STK4: variants seen among roughly 807,000 people sequenced by gnomAD.
STK4 encodes serine/threonine-protein kinase 4.
Under a neutral mutation model 64.9 loss-of-function variants are expected in STK4, and 30 were observed. The observed-to-expected ratio is 0.46, with a 90% CI of 0.35 to 0.63. The LOEUF is 0.63. STK4 is among the 20% of genes least tolerant of loss of function. STK4 has a pLI of 0.01. For synonymous variants in STK4, 177 were observed against 199.0 expected, an observed-to-expected ratio of 0.89 and a Z score of 0.93; for missense variants, 466 against 598.5, an observed-to-expected ratio of 0.78 and a Z score of 2.31.
In STK4 at chr20:45,043,588, C is replaced by T. The variant is rs191365032; in HGVS notation, c.1305+18458C>T. ...AAATGGAGTAATGCACATCAGGGGC[C>T]TGCAATATAATACAGATTGAGTATC... On this transcript the variant is annotated intron_variant, in intron 10 of 10. Transcript: ENST00000372806. Among the ~76,000 whole-genome samples, 1,069 of 152,256 alleles carry T rather than the reference C, an allele frequency of 7.0e-3. 9 individuals are homozygous for T. The highest frequency in any genetic ancestry group is 0.014 in the Middle Eastern group (4 of 294).
At chr20:45,054,655 C>T (rs936351756) in intron 10 of STK4, among the ~76,000 whole-genome samples, 2 of 147,764 alleles carry the variant, frequency 1.4e-5, no homozygotes, top group African/African-American at 5.0e-5. Context: ...CAACCACTTG[C>T]GGGCTGTGTT....
intron 4 of STK4, among the ~76,000 whole-genome samples, chr20:44,983,474 G>A (rs555165369): frequency 6.0e-4 from 91 of 152,286 alleles, no homozygotes; most frequent in Middle Eastern, 3.4e-3. Flanking sequence ...GTCAAGTGTG[G>A]TGTCATGCGC....
chr20:45,060,208 C>A (rs1225918860), intron 10 of STK4, among the ~76,000 whole-genome samples: 1 of 152,070 alleles, frequency 6.6e-6, no homozygotes, highest in African/African-American at 2.4e-5. Flanking sequence ...AGAATTAGAT[C>A]CAGCAGAAGC....
chr20:44,967,092 C>T (rs767063870), intron 1 of STK4: 9 of 969,088 alleles, frequency 9.3e-6, no homozygotes, highest in Middle Eastern at 5.3e-4. Context: ...GCGCCTAAGG[C>T]TGAAAGCATG....
In STK4 at chr20:44,978,135, A is replaced by G. The variant is rs78527169; in HGVS notation, c.117-308A>G. ...TCATCTCATCTTCATTTTTTGTAGG[A>G]ATGAATTGAGATGGTGTACAGTCTC... On this transcript the variant is annotated intron_variant, in intron 2 of 10. Coordinates refer to ENST00000372806, the MANE Select transcript of STK4 (RefSeq NM_006282.5). Among the ~76,000 whole-genome samples, 21 of 152,306 alleles carry G rather than the reference A, an allele frequency of 1.4e-4. No individual in the cohort carries two copies. The East Asian group carries it at 4.0e-3, about 29-fold the overall frequency.
intron 10 of STK4, among the ~76,000 whole-genome samples, chr20:45,072,296 A>T (rs1600579389): frequency 6.6e-6 from 1 of 152,324 alleles, no homozygotes; most frequent in East Asian, 1.9e-4. Flanking sequence ...GGCTTGCCCA[A>T]AGTTGCAGAA....
At chr20:45,004,755 C>CTT (rs1285811006) in intron 9 of STK4, among the ~76,000 whole-genome samples, 2 of 143,110 alleles carry the variant, frequency 1.4e-5, no homozygotes, top group African/African-American at 2.6e-5. Context: ...TTTTTTTCTC[C>CTT]TTTTTTTTTT....
In STK4 at chr20:45,077,227, C is replaced by T. The variant is rs1980583806; in HGVS notation, c.*2051C>T. 1.3e-5 allele frequency: 2 copies of T among 152,094 alleles called. No individual in the cohort carries two copies. The highest frequency in any genetic ancestry group is 1.3e-4 in the Admixed American group (2 of 15,268). The allele number at this position is 152,094 out of a possible 1,614,324, so 9.4% of individuals were successfully genotyped here. Reference sequence around the variant, plus strand: ...CACAAGCCTGTTTAAAATGAAGTGACCACCTTTTCTTGCATAGACTAAATA... The same window carrying T: ...CACAAGCCTGTTTAAAATGAAGTGATCACCTTTTCTTGCATAGACTAAATA... On this transcript the variant is annotated 3_prime_UTR_variant, in exon 11 of 11. Transcript: ENST00000372806.
In STK4 at chr20:45,000,489, G is replaced by A. The variant is rs35447878; in HGVS notation, c.929G>A (p.Arg310Gln). ...VKLKRQESQQREVDQDDEENS... is the reference protein window; with the variant it reads ...VKLKRQESQQQEVDQDDEENS... ...CTGAAACGCCAGGAATCCCAGCAGC[G>A]GGAAGTGGACCAGGACGATGAAGAA... The change falls in exon 8 of 11, where the codon CGG (arginine) becomes CAG (glutamine). Residue 310 changes from arginine to glutamine, a missense_variant. Physicochemically the swap from Arg to Gln is conservative, Grantham distance 43. Coordinates refer to ENST00000372806, the MANE Select transcript of STK4 (RefSeq NM_006282.5). 167 of 1,613,958 alleles carry A rather than the reference G, an allele frequency of 1.0e-4. No homozygotes were observed. Among genetic ancestry groups the A allele is most frequent in the Middle Eastern group, 1.6e-4 (1 of 6,084 alleles).
intron 10 of STK4, among the ~76,000 whole-genome samples, chr20:45,030,393 C>T (rs748573082): frequency 2.6e-5 from 4 of 152,138 alleles, no homozygotes; most frequent in Non-Finnish European, 5.9e-5. Flanking sequence ...CGTGAGCCAC[C>T]GGGCCCAGCC....
At chr20:44,999,541 T>C (rs1027681016) in intron 7 of STK4, among the ~76,000 whole-genome samples, 2 of 152,202 alleles carry the variant, frequency 1.3e-5, no homozygotes, top group African/African-American at 4.8e-5. Flanking sequence ...CATATGTAAC[T>C]TTCACAGCAT....
chr20:45,026,889 A>C (rs1186178378), intron 10 of STK4, among the ~76,000 whole-genome samples: 1 of 152,180 alleles, frequency 6.6e-6, no homozygotes. Flanking sequence ...AACACAGCAC[A>C]CCAGGCTGCC....
chr20:45,031,015 T>TGA lies in STK4; in HGVS notation c.1305+5888_1305+5889dup, dbSNP rs760438707. 5.3e-5 allele frequency among the ~76,000 whole-genome samples: 8 copies of TGA among 152,046 alleles called. 1 individual carries two copies. The highest frequency in any genetic ancestry group is 1.9e-4 in the East Asian group (1 of 5,162). ...AGTTCGAGACCAGCCTGGCACATAG[T>TGA]GAGACCCCATCTCTATTACAAAAAT... is the stretch of plus-strand genomic sequence containing the variant. On this transcript the variant is annotated intron_variant, in intron 10 of 10. Transcript: ENST00000372806.
intron 5 of STK4, among the ~76,000 whole-genome samples, chr20:44,992,616 C>G (rs1387502195): frequency 6.6e-6 from 1 of 152,100 alleles, no homozygotes; most frequent in Non-Finnish European, 1.5e-5. Flanking sequence ...AAGTGATCCT[C>G]CCACCTTAGC....
In STK4 at chr20:45,001,195, T is replaced by A. The variant is rs1238230164; in HGVS notation, c.989T>A (p.Met330Lys). 2 of 1,613,274 alleles carry A rather than the reference T, an allele frequency of 1.2e-6. No homozygotes were observed. The highest frequency in any genetic ancestry group is 3.3e-5 in the Admixed American group (2 of 59,986). The change falls in exon 9 of 11, where the codon ATG becomes AAG. Residue 330 changes from methionine to lysine, a missense_variant. By Grantham distance (95) the Met-to-Lys change is moderately conservative. Transcript: ENST00000372806. ...SEEDEMDSGT[M>K]VRAVGDEMGT... ...GAGGATGAAATGGATTCTGGCACGA[T>A]GGTTCGAGCAGTGGGTGATGAGATG... is the stretch of plus-strand genomic sequence containing the variant.
Position 45,078,919 on chromosome 20 carries a change from T to G in STK4, c.*3743T>G, listed in dbSNP as rs748090881. The G allele has an allele frequency of 4.6e-5, 7 of 152,286 alleles. No homozygotes were observed. The highest frequency in any genetic ancestry group is 1.0e-4 in the Non-Finnish European group (7 of 68,044). The allele number at this position is 152,286 out of a possible 1,614,324, so 9.4% of individuals were successfully genotyped here. A position where few individuals can be genotyped will look rare whatever the true frequency, so the allele number is the denominator to read the frequency against. ...AAGCCAATAGAATATTATGAATAAT[T>G]TTATGCTAATAAATTTAACAACTTC... On this transcript the variant is annotated 3_prime_UTR_variant, in exon 11 of 11. Coordinates refer to ENST00000372806, the MANE Select transcript of STK4 (RefSeq NM_006282.5).
At chr20:45,061,596 A>ATT (rs56017495) in intron 10 of STK4, among the ~76,000 whole-genome samples, 22,914 of 140,928 alleles carry the variant, frequency 0.16, 1,969 homozygotes, top group Middle Eastern at 0.23. Context: ...TAGTATGGAA[A>ATT]TTTTTTTTTT....
chr20:44,995,584 A>T (rs1232963803), intron 6 of STK4, among the ~76,000 whole-genome samples: 2 of 131,166 alleles, frequency 1.5e-5, no homozygotes, highest in Non-Finnish European at 3.2e-5. Context: ...CTAGCCTGGG[A>T]GAGAGAGTGA....
At chr20:45,002,443 A>G (rs2067858267) in intron 9 of STK4, among the ~76,000 whole-genome samples, 1 of 152,218 alleles carries the variant, frequency 6.6e-6, no homozygotes, top group Admixed American at 6.5e-5. Flanking sequence ...ATAATCATGA[A>G]GAGAACTGTT....
Sources: gnomAD v4.1 joint callset for allele counts (sites outside exome capture counted in the v4.1 genomes callset) on GRCh38, gnomAD v4.1.1 for gene constraint, MANE v1.5 for transcripts, NCBI Gene and HGNC (gene_info 2026-07-23, HGNC 2026-07-21) for gene names.